The following ZNF106 variants were observed in gnomAD, a reference collection of about 807,000 sequenced individuals.
The protein encoded by ZNF106 is SH3-domain binding protein 3.
In ZNF106, 67 loss-of-function variants were observed where a neutral mutation model predicts 195.1. That is an observed-to-expected ratio of 0.34 (90% CI 0.28 to 0.42). The LOEUF (loss-of-function observed/expected upper bound fraction) is 0.42. ZNF106 is among the 10% of genes least tolerant of loss of function. The pLI, the probability that ZNF106 is intolerant of heterozygous loss-of-function variation, is 1.00. For missense variants in ZNF106, 2,118 were observed against 2,304.5 expected, an observed-to-expected ratio of 0.92 and a Z score of 1.66; for synonymous variants, 784 against 818.6, an observed-to-expected ratio of 0.96 and a Z score of 0.72.
At chr15:42,453,996 C>A (rs1356113791) in intron 4 of ZNF106, among the ~76,000 whole-genome samples, 7 of 152,216 alleles carry the variant, frequency 4.6e-5, no homozygotes, top group Non-Finnish European at 1.0e-4. Context: ...CCTTGGCAAT[C>A]TGACTCCAGC....
chr15:42,484,453 T>C (rs2056966158), intron 1 of ZNF106, among the ~76,000 whole-genome samples: 1 of 152,228 alleles, frequency 6.6e-6, no homozygotes, highest in Non-Finnish European at 1.5e-5. Context: ...AGGCATGTGA[T>C]ATTGTTGATA....
chr15:42,435,334 A>G, intron 14 of ZNF106, 50 bp downstream of exon 14: 1 of 1,612,018 alleles, frequency 6.2e-7, no homozygotes, highest in Non-Finnish European at 8.5e-7. Context: ...CACAGTAAAT[A>G]CAAAGGCGAC....
intron 14 of ZNF106, among the ~76,000 whole-genome samples, chr15:42,434,249 G>A (rs1414129277): frequency 6.6e-6 from 1 of 152,198 alleles, no homozygotes; most frequent in Non-Finnish European, 1.5e-5. Context: ...CACTTTGGGA[G>A]GCCAAGGTGG....
At chr15:42,431,176 A>G (rs1426067783) in intron 14 of ZNF106, among the ~76,000 whole-genome samples, 1 of 151,876 alleles carries the variant, frequency 6.6e-6, no homozygotes, top group African/African-American at 2.4e-5. Flanking sequence ...GATTTCTGTT[A>G]CTGCTTTCTA....
At chr15:42,417,628 G>A (rs1350982207) in intron 21 of ZNF106, among the ~76,000 whole-genome samples, 177 bp downstream of exon 21, 2 of 152,180 alleles carry the variant, frequency 1.3e-5, no homozygotes, top group African/African-American at 4.8e-5. Context: ...TCTCAAAAAT[G>A]ACCTAATTCT....
chr15:42,467,968 C>T (rs2056561540), intron 2 of ZNF106, among the ~76,000 whole-genome samples: 1 of 151,132 alleles, frequency 6.6e-6, no homozygotes, highest in Non-Finnish European at 1.5e-5. Context: ...TGAAATTTTT[C>T]ATTATATACA....
chr15:42,448,259 C>A lies in ZNF106; in HGVS notation c.2948G>T (p.Arg983Met), dbSNP rs1168485152. The stretch of plus-strand genomic sequence containing the variant: ...CTGATTCTCTGACGGTGGTATAGAC[C>A]TCTCCTGGCTGTTCAAGTCTTTTGC... ...HLAKDLNSQE[R>M]SIPPSENQNS... Residue 983 changes from arginine to methionine, a missense_variant, in exon 6 of 22, where the codon AGG (arginine) becomes ATG (methionine). Transcript: ENST00000564754. 6.2e-7 allele frequency: 1 copy of A among 1,614,178 alleles called. No homozygotes were observed. The highest frequency in any genetic ancestry group is 8.5e-7 in the Non-Finnish European group (1 of 1,180,030).
Position 42,448,275 on chromosome 15 carries a change from A to G in ZNF106, c.2932T>C (p.Leu978=). 1.2e-6 allele frequency: 2 copies of G among 1,614,194 alleles called. No homozygotes were observed. Among genetic ancestry groups the G allele is most frequent in the Non-Finnish European group, 1.7e-6 (2 of 1,180,028 alleles). Reference sequence around the variant, plus strand: ...GGTATAGACCTCTCCTGGCTGTTCAAGTCTTTTGCCAAATGCATCAAAGGT... The same window carrying G: ...GGTATAGACCTCTCCTGGCTGTTCAGGTCTTTTGCCAAATGCATCAAAGGT... The part of the protein sequence containing the change: ...IIPLMHLAKD[L]NSQERSIPPS... Residue 978 remains leucine (L), a synonymous_variant, in exon 6 of 22, where the codon TTG becomes CTG. Coordinates refer to ENST00000564754, the MANE Select transcript of ZNF106 (RefSeq NM_001366845.3).
chr15:42,452,487 C>T (rs1176373905), intron 4 of ZNF106, among the ~76,000 whole-genome samples: 1 of 152,052 alleles, frequency 6.6e-6, no homozygotes. Context: ...TATGCCATTA[C>T]ACTCCAGCCT....
intron 1 of ZNF106, among the ~76,000 whole-genome samples, chr15:42,475,186 C>G (rs1185423840): frequency 6.6e-6 from 1 of 152,200 alleles, no homozygotes; most frequent in Non-Finnish European, 1.5e-5. Context: ...GGCATGGTGG[C>G]TCATGCCTAT....
At position 42,417,800 on chromosome 15, in the gene ZNF106, T is replaced by C. The variant is rs62022300; in HGVS notation, c.5664+5A>G. 197,513 of 1,611,536 alleles carry C rather than the reference T, an allele frequency of 0.12. 13,142 individuals carry two copies. The highest frequency in any genetic ancestry group is 0.14 in the Non-Finnish European group (163,683 of 1,178,742). On this transcript the variant is annotated splice_donor_5th_base_variant and intron_variant, in intron 21 of 21. Coordinates refer to ENST00000564754, the MANE Select transcript of ZNF106 (RefSeq NM_001366845.3). ...CCAGGCAAACCTCAAGTCCCACTAA[T>C]GTACCTGTTTGGATCCTTTCCTAGC...
chr15:42,468,355 G>C (rs1458118828), intron 2 of ZNF106, among the ~76,000 whole-genome samples: 1 of 151,594 alleles, frequency 6.6e-6, no homozygotes, highest in Non-Finnish European at 1.5e-5. Context: ...TGGGATTACA[G>C]GCATGAGCCA....
At chr15:42,467,558 G>A (rs1375540398) in intron 2 of ZNF106, among the ~76,000 whole-genome samples, 1 of 152,058 alleles carries the variant, frequency 6.6e-6, no homozygotes, top group Non-Finnish European at 1.5e-5. Context: ...TTGGGAGGCT[G>A]AGGCAGGTGG....
rs1212190367 is a variant in ZNF106 at position 42,414,738 on chromosome 15, GC to G, written c.*2565del. Reference sequence around the variant, plus strand: ...GGGCAGAAGGGCACTACGCCGCAGAGCATTCGAGGCTCTCAGCACACTGCCA... The same window carrying G: ...GGGCAGAAGGGCACTACGCCGCAGAGATTCGAGGCTCTCAGCACACTGCCA... On this transcript the variant is annotated 3_prime_UTR_variant, in exon 22 of 22. Transcript: ENST00000564754. The G allele has an allele frequency of 6.6e-6, 1 of 152,224 alleles. No individual in the cohort carries two copies. The highest frequency in any genetic ancestry group is 2.4e-5 in the African/African-American group (1 of 41,452). The allele number at this position is 152,224 out of a possible 1,614,324, so 9.4% of individuals were successfully genotyped here.
intron 1 of ZNF106, among the ~76,000 whole-genome samples, chr15:42,488,274 AC>A (rs938297165): frequency 6.6e-6 from 1 of 152,094 alleles, no homozygotes; most frequent in African/African-American, 2.4e-5. Context: ...CAAAATGCAC[AC>A]CCTCTTTTGC....
At chr15:42,419,646 T>C (rs933689577) in intron 20 of ZNF106, among the ~76,000 whole-genome samples, 1 of 151,956 alleles carries the variant, frequency 6.6e-6, no homozygotes, top group Non-Finnish European at 1.5e-5. Context: ...TTCGAACACA[T>C]GTTTATTTCT....
intron 4 of ZNF106, among the ~76,000 whole-genome samples, chr15:42,453,597 T>G (rs1342861634): frequency 7.1e-6 from 1 of 140,326 alleles, no homozygotes; most frequent in Non-Finnish European, 1.6e-5. Flanking sequence ...GAGGCAAGTA[T>G]TTTTTTTTTT....
chr15:42,469,872 GAAAA>G (rs1274771829), intron 2 of ZNF106, among the ~76,000 whole-genome samples: 1 of 144,812 alleles, frequency 6.9e-6, no homozygotes, highest in African/African-American at 2.6e-5. Context: ...AAAAAAAAAA[GAAAA>G]AAAAGAAAGA....
At chr15:42,475,432 ACT>A (rs372992541) in intron 1 of ZNF106, among the ~76,000 whole-genome samples, 148 of 152,290 alleles carry the variant, frequency 9.7e-4, no homozygotes, top group African/African-American at 3.4e-3. Context: ...ACACAGCGAG[ACT>A]CTGTCTCAAA....
Sources: allele counts gnomAD v4.1 joint callset (sites outside exome capture counted in the v4.1 genomes callset), GRCh38; gene constraint gnomAD v4.1.1; transcripts MANE v1.5; gene names NCBI Gene and HGNC (gene_info 2026-07-23, HGNC 2026-07-21).